Variants in NRXN1 observed in about 807,000 individuals in gnomAD.
The protein encoded by NRXN1 is neurexin-1.
Under a neutral mutation model 150.9 loss-of-function variants are expected in NRXN1, and 39 were observed. The ratio of observed to expected loss-of-function variants is 0.26; its 90% confidence interval spans 0.20 to 0.34. The LOEUF is 0.34. NRXN1 is among the 10% of genes least tolerant of loss of function. The pLI is 1.00. For synonymous variants in NRXN1, 924 were observed against 757.0 expected (o/e 1.22, Z -3.62); for missense variants, 1,815 against 1,949.9 (o/e 0.93, Z 1.30).
chr2:50,906,336 C>A (rs1453417226), intron 5 of NRXN1, among the ~76,000 whole-genome samples: 1 of 152,096 alleles, frequency 6.6e-6, no homozygotes, highest in African/African-American at 2.4e-5. Context: ...AATGACATCA[C>A]CATTCACCTA....
At chr2:50,375,506 T>TTTTTTTTTTTTTTTTTTTGAG (rs1215502536) in intron 17 of NRXN1, among the ~76,000 whole-genome samples, 1 of 142,512 alleles carries the variant, frequency 7.0e-6, no homozygotes, top group East Asian at 2.1e-4. Flanking sequence ...CTGAAGCTCT[T>TTTTTTTTTTTTTTTTTTTGAG]AATCACTAAA....
chr2:50,873,470 G>A (rs1678097907), intron 5 of NRXN1, among the ~76,000 whole-genome samples: 1 of 151,724 alleles, frequency 6.6e-6, no homozygotes, highest in South Asian at 2.1e-4. Context: ...AAAAGATTAA[G>A]CATCCAAGCT....
chr2:50,289,383 T>C (rs2072612469), intron 17 of NRXN1, among the ~76,000 whole-genome samples: 1 of 152,108 alleles, frequency 6.6e-6, no homozygotes, highest in South Asian at 2.1e-4. Context: ...AGTTCCCCTC[T>C]AAGTCACTTA....
chr2:50,373,711 G>GAAAGAAAGAAAGAAAGAA (rs71404950), intron 17 of NRXN1, among the ~76,000 whole-genome samples: 92 of 86,262 alleles, frequency 1.1e-3, no homozygotes, highest in East Asian at 4.1e-3. Context: ...AAGAAAGAAA[G>GAAAGAAAGAAAGAAAGAA]AGAAAGAAAG....
intron 17 of NRXN1, among the ~76,000 whole-genome samples, chr2:50,367,360 C>T (rs1021517166): frequency 6.6e-6 from 1 of 151,946 alleles, no homozygotes; most frequent in Admixed American, 6.6e-5. Flanking sequence ...CTGATGTGGG[C>T]TTATTAGTAA....
intron 21 of NRXN1, among the ~76,000 whole-genome samples, chr2:49,992,656 A>G (rs1485155810): frequency 6.6e-6 from 1 of 152,158 alleles, no homozygotes; most frequent in Non-Finnish European, 1.5e-5. Flanking sequence ...CTAGCAAAAA[A>G]TACTTGCAAA....
intron 18 of NRXN1, chr2:50,105,328 G>C (rs976276212): frequency 6.6e-6 from 1 of 151,956 alleles, no homozygotes; most frequent in African/African-American, 2.4e-5. Context: ...AGCAGACTTT[G>C]TCATACTTCA....
At chr2:50,211,722 T>C (rs1405005629) in intron 18 of NRXN1, among the ~76,000 whole-genome samples, 1 of 151,492 alleles carries the variant, frequency 6.6e-6, no homozygotes, top group Non-Finnish European at 1.5e-5. Flanking sequence ...GTATAGTATA[T>C]TCTGTAGGCA....
chr2:50,551,074 A>AGAAGAAGAAGAAGAAGAAGAG (rs1553775804), intron 9 of NRXN1, among the ~76,000 whole-genome samples: 23 of 110,754 alleles, frequency 2.1e-4, no homozygotes, highest in African/African-American at 7.8e-4. Context: ...AAGAAGAAGA[A>AGAAGAAGAAGAAGAAGAAGAG]GAGGAGGAGG....
intron 2 of NRXN1, among the ~76,000 whole-genome samples, chr2:50,930,859 T>A (rs1321885703): frequency 6.6e-6 from 1 of 152,148 alleles, no homozygotes; most frequent in Non-Finnish European, 1.5e-5. Context: ...TAATCACTGT[T>A]AAACAACTCT....
chr2:50,181,755 T>A (rs1285609471), intron 18 of NRXN1, among the ~76,000 whole-genome samples: 2 of 152,138 alleles, frequency 1.3e-5, no homozygotes, highest in East Asian at 3.9e-4. Context: ...AAGGTTAATT[T>A]ATCAATATAT....
chr2:50,416,864 A>G (rs1362410066), intron 17 of NRXN1, among the ~76,000 whole-genome samples: 1 of 152,184 alleles, frequency 6.6e-6, no homozygotes, highest in Non-Finnish European at 1.5e-5. Flanking sequence ...AAGAACTACA[A>G]TTAAAGATGA....
intron 5 of NRXN1, among the ~76,000 whole-genome samples, chr2:50,738,114 T>G (rs1301574926): frequency 6.6e-6 from 1 of 152,232 alleles, no homozygotes; most frequent in African/African-American, 2.4e-5. Context: ...TTTCAAGAAC[T>G]GTGTTTCAGA....
At chr2:50,600,418 G>A (rs761406412) in intron 8 of NRXN1, among the ~76,000 whole-genome samples, 11 of 144,528 alleles carry the variant, frequency 7.6e-5, no homozygotes, top group African/African-American at 2.3e-4. Context: ...TCCACCTCCC[G>A]GGTTCAAGTA....
intron 5 of NRXN1, among the ~76,000 whole-genome samples, chr2:50,669,682 A>T (rs1431436931): frequency 2.6e-5 from 4 of 151,786 alleles, no homozygotes; most frequent in Non-Finnish European, 5.9e-5. Context: ...ATTTGTCATA[A>T]TCACATCCCA....
intron 15 of NRXN1, among the ~76,000 whole-genome samples, chr2:50,478,507 A>C (rs146940478): frequency 5.8e-4 from 89 of 152,316 alleles, no homozygotes; most frequent in African/African-American, 1.9e-3. Flanking sequence ...TTAAAAGATT[A>C]ATTTTAGAAA....
At chr2:50,603,638 T>C (rs1337845103) in intron 8 of NRXN1, among the ~76,000 whole-genome samples, 1 of 152,148 alleles carries the variant, frequency 6.6e-6, no homozygotes, top group Non-Finnish European at 1.5e-5. Flanking sequence ...GGGACCCCTT[T>C]GGCTAGATGA....
At chr2:50,791,890 G>A (rs1220250557) in intron 5 of NRXN1, among the ~76,000 whole-genome samples, 1 of 152,016 alleles carries the variant, frequency 6.6e-6, no homozygotes, top group Non-Finnish European at 1.5e-5. Flanking sequence ...AGAGCCTGAA[G>A]TAAACCTCTA....
intron 2 of NRXN1, among the ~76,000 whole-genome samples, chr2:50,973,767 A>G (rs895918233): frequency 6.6e-6 from 1 of 152,140 alleles, no homozygotes; most frequent in Non-Finnish European, 1.5e-5. Flanking sequence ...CCAAATCTGT[A>G]TCACAGAAGT....
Sources: allele counts gnomAD v4.1 joint callset (sites outside exome capture counted in the v4.1 genomes callset), GRCh38; gene constraint gnomAD v4.1.1; transcripts MANE v1.5; gene names NCBI Gene and HGNC (gene_info 2026-07-23, HGNC 2026-07-21).